CORIN: variants seen among roughly 807,000 people sequenced by gnomAD.
CORIN encodes corin, serine peptidase.
CORIN carries 117 observed loss-of-function variants against 125.3 expected under a neutral mutation model. The observed-to-expected ratio is 0.93, with a 90% CI of 0.80 to 1.09. The LOEUF is 1.09. CORIN is among the 50% of genes least tolerant of loss of function. CORIN has a pLI of 0.00. For synonymous variants in CORIN, 450 were observed against 466.4 expected (o/e 0.96, Z 0.45); for missense variants, 1,253 against 1,306.7 (o/e 0.96, Z 0.63).
chr4:47,681,519 A>G (rs1725278170), intron 7 of CORIN: 1 of 152,156 alleles, frequency 6.6e-6, no homozygotes, highest in South Asian at 2.1e-4. Flanking sequence ...CTACCAAACG[A>G]CACTCACTCA....
At chr4:47,648,513 A>G (rs1251221427) in intron 13 of CORIN, among the ~76,000 whole-genome samples, 1 of 151,896 alleles carries the variant, frequency 6.6e-6, no homozygotes, top group African/African-American at 2.4e-5. Flanking sequence ...TTTCACAAAA[A>G]CTCTGTGAAA....
At chr4:47,738,089 G>C (rs1424607197) in intron 5 of CORIN, among the ~76,000 whole-genome samples, 2 of 152,086 alleles carry the variant, frequency 1.3e-5, no homozygotes, top group Admixed American at 1.3e-4. Context: ...AAAATTAAAA[G>C]AAAAATGTGG....
chr4:47,659,114 A>G (rs1411952443), intron 12 of CORIN, among the ~76,000 whole-genome samples: 1 of 152,208 alleles, frequency 6.6e-6, no homozygotes, highest in African/African-American at 2.4e-5. Flanking sequence ...CCGGTTCCCA[A>G]TTAGTTCCAC....
chr4:47,599,264 G>A (rs1205468849), intron 21 of CORIN, among the ~76,000 whole-genome samples: 7 of 152,086 alleles, frequency 4.6e-5, no homozygotes, highest in Admixed American at 4.6e-4. Flanking sequence ...TGCCAAGGGA[G>A]CTGTCTGCCT....
intron 19 of CORIN, among the ~76,000 whole-genome samples, chr4:47,606,809 TA>T (rs1477712309): frequency 6.6e-6 from 1 of 152,128 alleles, no homozygotes; most frequent in Non-Finnish European, 1.5e-5. Flanking sequence ...CACTAAACAG[TA>T]ATAAGTGCAT....
intron 9 of CORIN, 61 bp downstream of exon 9, chr4:47,677,877 T>G: frequency 8.3e-7 from 1 of 1,209,634 alleles, no homozygotes; most frequent in Non-Finnish European, 1.2e-6. Context: ...AATGTGTTCC[T>G]TTGTTCCCAA....
At chr4:47,812,266 G>A (rs139736120) in intron 1 of CORIN, among the ~76,000 whole-genome samples, 1 of 152,138 alleles carries the variant, frequency 6.6e-6, no homozygotes, top group Non-Finnish European at 1.5e-5. Flanking sequence ...GGGAGGCTGA[G>A]GCAGGAGGAT....
At chr4:47,626,918 A>G (rs1310452853) in intron 16 of CORIN, among the ~76,000 whole-genome samples, 1 of 152,198 alleles carries the variant, frequency 6.6e-6, no homozygotes, top group Non-Finnish European at 1.5e-5. Flanking sequence ...GCCATTTAGC[A>G]TTTATTTAGA....
intron 2 of CORIN, among the ~76,000 whole-genome samples, chr4:47,797,693 T>C (rs899626953): frequency 6.6e-6 from 1 of 152,094 alleles, no homozygotes; most frequent in Admixed American, 6.6e-5. Context: ...ATTAAAATAA[T>C]TATCTGATGA....
At position 47,643,252 on chromosome 4, in the gene CORIN, A is replaced by G. The variant is rs1201005147; in HGVS notation, c.1962T>C (p.Phe654=). Residue 654 remains phenylalanine (F), a synonymous_variant, in exon 15 of 22, where the codon TTT becomes TTC. Coordinates refer to ENST00000273857, the MANE Select transcript of CORIN (RefSeq NM_006587.4). The part of the protein sequence containing the change: ...PDYMDEKNCS[F]CQDDELECAN... ...CACATTCCAGCTCATCATCTTGGCA[A>G]AATGCTGGCATGGGGAACAAAAAGT... 1.3e-6 allele frequency: 2 copies of G among 1,594,718 alleles called. No homozygotes were observed. Among genetic ancestry groups the G allele is most frequent in the Non-Finnish European group, 1.7e-6 (2 of 1,169,656 alleles).
At chr4:47,751,739 T>C (rs562078183) in intron 4 of CORIN, among the ~76,000 whole-genome samples, 1 of 152,272 alleles carries the variant, frequency 6.6e-6, no homozygotes, top group African/African-American at 2.4e-5. Flanking sequence ...TTATGTCTGG[T>C]CCTCTATTAC....
At chr4:47,664,759 C>T (rs1724400064) in intron 11 of CORIN, among the ~76,000 whole-genome samples, 1 of 152,098 alleles carries the variant, frequency 6.6e-6, no homozygotes, top group African/African-American at 2.4e-5. Context: ...TTTAATACAA[C>T]AGAATGAAAT....
chr4:47,766,771 C>T (rs1729768030), intron 3 of CORIN, among the ~76,000 whole-genome samples: 1 of 151,884 alleles, frequency 6.6e-6, no homozygotes, highest in Non-Finnish European at 1.5e-5. Flanking sequence ...CATGGTGAAA[C>T]CCCATCTCTA....
At chr4:47,756,056 G>A (rs1729127483) in intron 4 of CORIN, among the ~76,000 whole-genome samples, 1 of 152,160 alleles carries the variant, frequency 6.6e-6, no homozygotes. Context: ...AAGTAAGAGA[G>A]GCAATAAACA....
chr4:47,677,894 G>T, intron 9 of CORIN, 44 bp downstream of exon 9: 2 of 1,321,800 alleles, frequency 1.5e-6, no homozygotes, highest in South Asian at 1.2e-5. Context: ...CCAAGGAGAG[G>T]ACCACCAGTA....
At chr4:47,613,210 T>C (rs1470603611) in intron 19 of CORIN, among the ~76,000 whole-genome samples, 1 of 152,166 alleles carries the variant, frequency 6.6e-6, no homozygotes, top group Non-Finnish European at 1.5e-5. Context: ...ATCCCAGCAC[T>C]TTGGGAGGCT....
At position 47,621,192 on chromosome 4, in the gene CORIN, C is replaced by T. The variant is rs80353385; in HGVS notation, c.2540+2379G>A. Reference sequence around the variant, plus strand: ...TAGGTGGGGCCTGTGACTGATGGCTCTGGGCAACCACATAGGAGAAGCAAC... The same window carrying T: ...TAGGTGGGGCCTGTGACTGATGGCTTTGGGCAACCACATAGGAGAAGCAAC... On this transcript the variant is annotated intron_variant, in intron 19 of 21. Transcript: ENST00000273857. 8.2e-3 allele frequency among the ~76,000 whole-genome samples: 1,248 copies of T among 152,232 alleles called. 17 individuals carry two copies. The highest frequency in any genetic ancestry group is 0.028 in the African/African-American group (1,168 of 41,528).
At chr4:47,736,990 G>A (rs967346575) in intron 5 of CORIN, among the ~76,000 whole-genome samples, 16 of 152,238 alleles carry the variant, frequency 1.1e-4, no homozygotes, top group African/African-American at 3.9e-4. Flanking sequence ...CAGAGGGCAG[G>A]AGCCTAAAGA....
chr4:47,710,422 T>C (rs1481820668), intron 5 of CORIN, among the ~76,000 whole-genome samples: 1 of 152,262 alleles, frequency 6.6e-6, no homozygotes, highest in African/African-American at 2.4e-5. Flanking sequence ...AATGTTCATG[T>C]GTATGACTTT....
Sources: gnomAD v4.1 joint callset for allele counts (sites outside exome capture counted in the v4.1 genomes callset) on GRCh38, gnomAD v4.1.1 for gene constraint, MANE v1.5 for transcripts, NCBI Gene and HGNC (gene_info 2026-07-23, HGNC 2026-07-21) for gene names.